The following RNF6 variants were observed in gnomAD, a reference collection of about 807,000 sequenced individuals.
RNF6 encodes the protein E3 ubiquitin-protein ligase RNF6.
Under a neutral mutation model 50.1 loss-of-function variants are expected in RNF6, and 21 were observed. The ratio of observed to expected loss-of-function variants is 0.42; its 90% confidence interval spans 0.30 to 0.60. The LOEUF is 0.60. Ranked by LOEUF, RNF6 falls within the 20% of genes least tolerant of loss-of-function variation. The probability of loss-of-function intolerance (pLI) is 0.20; values close to 1 mark genes in which losing one functional copy is unlikely to be tolerated. For missense variants in RNF6, 698 were observed against 838.2 expected (o/e 0.83, Z 2.07); for synonymous variants, 255 against 291.8 (o/e 0.87, Z 1.29).
chr13:26,152,964 C>T (rs970280229), intron 5 of RNF6, among the ~76,000 whole-genome samples: 4 of 151,900 alleles, frequency 2.6e-5, no homozygotes, highest in Non-Finnish European at 5.9e-5. Context: ...ACCAGCCTGA[C>T]CAACATGGCA....
chr13:26,164,814 A>G (rs528209066), intron 5 of RNF6, among the ~76,000 whole-genome samples: 2 of 152,254 alleles, frequency 1.3e-5, no homozygotes, highest in South Asian at 4.1e-4. Flanking sequence ...CTCCTGAATG[A>G]CTTTGGGTGC....
intron 5 of RNF6, among the ~76,000 whole-genome samples, chr13:26,151,909 T>C (rs932712601): frequency 1.3e-5 from 2 of 152,228 alleles, no homozygotes; most frequent in African/African-American, 4.8e-5. Flanking sequence ...CTGGTCCCTC[T>C]ACCCGTGGAC....
intron 5 of RNF6, among the ~76,000 whole-genome samples, chr13:26,203,879 G>A (rs1593185085): frequency 6.6e-6 from 1 of 152,192 alleles, no homozygotes; most frequent in East Asian, 1.9e-4. Context: ...CGTGAACCCG[G>A]GAGGCGGAGC....
chr13:26,215,760 C>T (rs1289928371), intron 4 of RNF6, among the ~76,000 whole-genome samples, 168 bp from the exon 5 acceptor site: 4 of 152,160 alleles, frequency 2.6e-5, no homozygotes, highest in Non-Finnish European at 5.9e-5. Context: ...AGTATATCTA[C>T]TATAAGCATA....
At position 26,222,041 on chromosome 13, in the gene RNF6, A is replaced by G. The variant is rs572821283; in HGVS notation, c.-140T>C. 6.6e-5 allele frequency: 10 copies of G among 152,366 alleles called. No individual in the cohort carries two copies. Among genetic ancestry groups the G allele is most frequent in the African/African-American group, 2.4e-4 (10 of 41,572 alleles). 9.4% of individuals were successfully genotyped at this position (152,366 alleles called of 1,614,324 possible). ...GGGCCTTCGCCCTCCTGTCCGGAGAACGTGTGCTGTGGGCGGCCGTTCTCT... is the reference window on the plus strand; with the variant it reads ...GGGCCTTCGCCCTCCTGTCCGGAGAGCGTGTGCTGTGGGCGGCCGTTCTCT... On this transcript the variant is annotated 5_prime_UTR_variant, in exon 1 of 5. Transcript: ENST00000381588.
At chr13:26,199,792 GA>G (rs1432086530) in intron 5 of RNF6, among the ~76,000 whole-genome samples, 7 of 152,068 alleles carry the variant, frequency 4.6e-5, no homozygotes, top group Non-Finnish European at 7.4e-5. Context: ...AATAAGTACA[GA>G]AAAAGATAAC....
intron 5 of RNF6, among the ~76,000 whole-genome samples, chr13:26,195,281 T>G (rs1022427459): frequency 1.3e-5 from 2 of 152,106 alleles, no homozygotes; most frequent in Non-Finnish European, 2.9e-5. Flanking sequence ...GGCGGCTTAT[T>G]AGTAGACTGG....
chr13:26,188,917 T>C (rs1873688412), intron 5 of RNF6, among the ~76,000 whole-genome samples: 1 of 151,990 alleles, frequency 6.6e-6, no homozygotes, highest in African/African-American at 2.4e-5. Flanking sequence ...CATGAGCCAC[T>C]GCGCCCGGCT....
chr13:26,160,787 C>A (rs144783827), intron 5 of RNF6, among the ~76,000 whole-genome samples: 87 of 152,116 alleles, frequency 5.7e-4, no homozygotes, highest in African/African-American at 2.0e-3. Context: ...AGAGCCGATT[C>A]CTTCTGAAGC....
At chr13:26,198,048 T>TAC (rs1868740191) in intron 5 of RNF6, among the ~76,000 whole-genome samples, 1 of 138,320 alleles carries the variant, frequency 7.2e-6, no homozygotes, top group African/African-American at 2.5e-5. Flanking sequence ...TGGATGTGTA[T>TAC]ATATACATAC....
intron 5 of RNF6, among the ~76,000 whole-genome samples, chr13:26,154,759 G>A (rs1244732772): frequency 6.6e-6 from 1 of 152,202 alleles, no homozygotes; most frequent in East Asian, 1.9e-4. Flanking sequence ...GCTGGGCGTT[G>A]TGGCTCACAC....
chr13:26,134,988 G>A (rs1220226833), intron 5 of RNF6, among the ~76,000 whole-genome samples: 10 of 152,096 alleles, frequency 6.6e-5, no homozygotes, highest in East Asian at 1.9e-4. Context: ...GTAAACAAAC[G>A]TGAATAGACA....
chr13:26,203,645 A>G (rs533546330), intron 5 of RNF6, among the ~76,000 whole-genome samples: 1 of 152,336 alleles, frequency 6.6e-6, no homozygotes, highest in South Asian at 2.1e-4. Flanking sequence ...TGGCTCCTCT[A>G]TGATCCTGGA....
At position 26,214,768 on chromosome 13, in the gene RNF6, G is replaced by C; in HGVS notation, c.1114C>G (p.Leu372Val). 1 of 1,614,160 alleles carries C rather than the reference G, an allele frequency of 6.2e-7. No homozygotes were observed. Among genetic ancestry groups the C allele is most frequent in the Non-Finnish European group, 8.5e-7 (1 of 1,180,044 alleles). Residue 372 changes from leucine (L) to valine (V), a missense_variant, in exon 5 of 5, where the codon CTT (leucine) becomes GTT (valine). Physicochemically the swap from Leu to Val is conservative, Grantham distance 32. Coordinates refer to ENST00000381588, the MANE Select transcript of RNF6 (RefSeq NM_005977.4). ...TCTTCTACTGTTATTCTTGACACAAGCCTTGAATTAGAGAATGGGGTATAT... is the reference window on the plus strand; with the variant it reads ...TCTTCTACTGTTATTCTTGACACAACCCTTGAATTAGAGAATGGGGTATAT... ...TAYTPFSNSR[L>V]VSRITVEEGE...
chr13:26,196,587 C>T (rs931139214), intron 5 of RNF6, among the ~76,000 whole-genome samples: 4 of 151,718 alleles, frequency 2.6e-5, no homozygotes, highest in Admixed American at 6.6e-5. Context: ...GAGCAGAGAC[C>T]GTGCCACTGC....
At chr13:26,142,190 AAC>A (rs1398017153) in intron 5 of RNF6, 1 of 152,180 alleles carries the variant, frequency 6.6e-6, no homozygotes, top group Non-Finnish European at 1.5e-5. Flanking sequence ...AAGATCTCAC[AAC>A]AGTCAGAATG....
At position 26,132,862 on chromosome 13, in the gene RNF6, T is replaced by A. The variant is rs1870463987; in HGVS notation, n.769-411A>T. On this transcript the variant is annotated intron_variant and non_coding_transcript_variant, in intron 5 of 5. Coordinates refer to the RNF6 transcript ENST00000468480. ...TGCAGGCATCAGATTCACCAAAAGG[T>A]CTTGTTAAAATACAGATTCCTGGGA... is the stretch of plus-strand genomic sequence containing the variant. 2.6e-5 allele frequency among the ~76,000 whole-genome samples: 4 copies of A among 152,154 alleles called. No individual in the cohort carries two copies. In the South Asian group the frequency reaches 8.3e-4, roughly 32 times the overall value.
At chr13:26,142,965 C>T (rs1325921678) in intron 5 of RNF6, among the ~76,000 whole-genome samples, 1 of 152,286 alleles carries the variant, frequency 6.6e-6, no homozygotes, top group African/African-American at 2.4e-5. Flanking sequence ...CATACACACA[C>T]AAACATATTC....
At chr13:26,166,389 A>T (rs1414169568) in intron 5 of RNF6, among the ~76,000 whole-genome samples, 1 of 152,264 alleles carries the variant, frequency 6.6e-6, no homozygotes, top group Non-Finnish European at 1.5e-5. Flanking sequence ...AAGAGCATCC[A>T]AAGAGGAAGA....
Sources: allele counts gnomAD v4.1 joint callset (sites outside exome capture counted in the v4.1 genomes callset), GRCh38; gene constraint gnomAD v4.1.1; transcripts MANE v1.5; gene names NCBI Gene and HGNC (gene_info 2026-07-23, HGNC 2026-07-21).